Variants in OTOGL observed in about 807,000 individuals in gnomAD.
The protein encoded by OTOGL is otogelin like, also known as otogelin-like protein.
In OTOGL, 285 loss-of-function variants were observed where a neutral mutation model predicts 318.5. The observed-to-expected ratio is 0.89, with a 90% CI of 0.81 to 0.99. OTOGL has a LOEUF of 0.99. OTOGL is among the 50% of genes least tolerant of loss of function. OTOGL has a pLI of 0.00. For synonymous variants in OTOGL, 987 were observed against 936.5 expected, an observed-to-expected ratio of 1.05 and a Z score of -0.99; for missense variants, 2,899 against 2,845.6, an observed-to-expected ratio of 1.02 and a Z score of -0.43.
intron 11 of OTOGL, among the ~76,000 whole-genome samples, chr12:80,248,702 A>T (rs1365167539): frequency 4.2e-5 from 6 of 143,524 alleles, no homozygotes; most frequent in Admixed American, 2.7e-4. Context: ...CTGAATCTGA[A>T]CGTTGGCCTG....
At chr12:80,317,898 A>G (rs551029180) in intron 32 of OTOGL, among the ~76,000 whole-genome samples, 11 of 152,224 alleles carry the variant, frequency 7.2e-5, no homozygotes, top group Admixed American at 4.6e-4. Flanking sequence ...TCAGGTTTCT[A>G]TCTCTCTACA....
Position 80,256,359 on chromosome 12 carries a change from A to T in OTOGL, c.1610A>T (p.Gln537Leu), listed in dbSNP as rs765007801. Residue 537 changes from glutamine (Q) to leucine (L), a missense_variant, in exon 17 of 59, where the codon CAG (glutamine) becomes CTG (leucine). Physicochemically the swap from Gln to Leu is moderately radical, Grantham distance 113. Transcript: ENST00000547103. Reference protein sequence around the residue: ...CEQNLGLVCLQSITLILEDDF... With the variant: ...CEQNLGLVCLLSITLILEDDF... ...CAGAATCTTGGCTTGGTCTGCCTTC[A>T]GTCTATAACTCTGATTCTGGAGGAT... 2 of 1,595,916 alleles carry T rather than the reference A, an allele frequency of 1.3e-6. No individual in the cohort carries two copies. The highest frequency in any genetic ancestry group is 3.3e-5 in the Admixed American group (2 of 59,706).
intron 19 of OTOGL, among the ~76,000 whole-genome samples, chr12:80,263,950 C>T (rs1359924149): frequency 1.3e-5 from 2 of 151,998 alleles, no homozygotes; most frequent in Non-Finnish European, 2.9e-5. Context: ...TAGTTTAAGT[C>T]ATTTGTTTTT....
chr12:80,156,292 C>G (rs372570927), intron 1 of OTOGL, among the ~76,000 whole-genome samples: 1 of 152,200 alleles, frequency 6.6e-6, no homozygotes, highest in African/African-American at 2.4e-5. Flanking sequence ...GAACATCAGA[C>G]TCCAAGTTCT....
At chr12:80,140,058 G>T (rs775980635) in intron 1 of OTOGL, among the ~76,000 whole-genome samples, 1 of 152,062 alleles carries the variant, frequency 6.6e-6, no homozygotes, top group Non-Finnish European at 1.5e-5. Flanking sequence ...TTCTTCTCTT[G>T]TTACATTCAA....
At chr12:80,250,998 A>G (rs961002284) in intron 11 of OTOGL, among the ~76,000 whole-genome samples, 6 of 152,248 alleles carry the variant, frequency 3.9e-5, no homozygotes, top group Non-Finnish European at 8.8e-5. Flanking sequence ...AAAAATAATT[A>G]GCTTTAGTAA....
intron 1 of OTOGL, among the ~76,000 whole-genome samples, chr12:80,182,627 T>C (rs887376258): frequency 1.3e-5 from 2 of 152,130 alleles, no homozygotes; most frequent in Non-Finnish European, 2.9e-5. Context: ...AAAGAAACAC[T>C]TGTGCTGGTC....
At chr12:80,209,799 A>T (rs1366083588) in intron 2 of OTOGL, among the ~76,000 whole-genome samples, 1 of 152,046 alleles carries the variant, frequency 6.6e-6, no homozygotes, top group South Asian at 2.1e-4. Flanking sequence ...TTTTTAAATG[A>T]CTGGTTAAAA....
intron 52 of OTOGL, among the ~76,000 whole-genome samples, chr12:80,363,434 G>C (rs767688324): frequency 6.6e-6 from 1 of 152,268 alleles, no homozygotes; most frequent in South Asian, 2.1e-4. Flanking sequence ...AGCCATTTAC[G>C]AATGAACATC....
chr12:80,147,468 C>G (rs886709915), intron 1 of OTOGL, among the ~76,000 whole-genome samples: 2 of 151,186 alleles, frequency 1.3e-5, no homozygotes, highest in African/African-American at 4.9e-5. Flanking sequence ...GAGAGCTTTA[C>G]TTCCAAGTAT....
intron 1 of OTOGL, chr12:80,131,789 C>A (rs1871256268): frequency 6.6e-6 from 1 of 151,894 alleles, no homozygotes; most frequent in South Asian, 2.1e-4. Context: ...TGTCTTTTTT[C>A]TTTTCTTGCA....
intron 29 of OTOGL, among the ~76,000 whole-genome samples, chr12:80,307,927 C>T (rs1208255179): frequency 7.1e-6 from 1 of 141,122 alleles, no homozygotes; most frequent in Non-Finnish European, 1.5e-5. Flanking sequence ...GGGCTGACCC[C>T]CCCACCTCCC....
At chr12:80,240,588 A>T (rs1298997113) in intron 11 of OTOGL, among the ~76,000 whole-genome samples, 1 of 152,066 alleles carries the variant, frequency 6.6e-6, no homozygotes, top group Non-Finnish European at 1.5e-5. Flanking sequence ...GAAAATGAAA[A>T]TATAAAAATA....
intron 14 of OTOGL, 136 bp downstream of exon 14, chr12:80,253,710 A>T (rs1881778029): frequency 1.5e-6 from 1 of 656,806 alleles, no homozygotes; most frequent in Middle Eastern, 3.1e-4. Context: ...ATTTTATTTA[A>T]ACTCCTTGGG....
intron 44 of OTOGL, among the ~76,000 whole-genome samples, chr12:80,345,144 ATATGT>A (rs1889103181): frequency 2.2e-5 from 3 of 134,654 alleles, no homozygotes; most frequent in African/African-American, 5.6e-5. Context: ...AATATATATT[ATATGT>A]TATATTATAT....
At chr12:80,123,951 T>G (rs988192100) in intron 1 of OTOGL, among the ~76,000 whole-genome samples, 1 of 152,340 alleles carries the variant, frequency 6.6e-6, no homozygotes, top group Non-Finnish European at 1.5e-5. Flanking sequence ...CTTTGTCAGA[T>G]GAGTAGATTG....
intron 1 of OTOGL, among the ~76,000 whole-genome samples, chr12:80,122,845 G>A (rs1870566714): frequency 6.6e-6 from 1 of 152,076 alleles, no homozygotes; most frequent in Admixed American, 6.6e-5. Context: ...AATCTATGCA[G>A]TTGCTCTGCA....
chr12:80,141,253 T>C (rs1871921647), intron 1 of OTOGL, among the ~76,000 whole-genome samples: 1 of 152,194 alleles, frequency 6.6e-6, no homozygotes, highest in Non-Finnish European at 1.5e-5. Flanking sequence ...CGTGGCATTA[T>C]CTTTCTGTTT....
At chr12:80,344,947 A>T (rs1889064209) in intron 44 of OTOGL, among the ~76,000 whole-genome samples, 1 of 147,314 alleles carries the variant, frequency 6.8e-6, no homozygotes, top group Admixed American at 6.9e-5. Flanking sequence ...TATCTGCTAC[A>T]TAGATATAAA....
Sources: allele counts gnomAD v4.1 joint callset (sites outside exome capture counted in the v4.1 genomes callset), GRCh38; gene constraint gnomAD v4.1.1; transcripts MANE v1.5; gene names NCBI Gene and HGNC (gene_info 2026-07-23, HGNC 2026-07-21).